The following EXOC1 variants were observed in gnomAD, a reference collection of about 807,000 sequenced individuals.
EXOC1 encodes exocyst complex component 1.
EXOC1 carries 67 observed loss-of-function variants against 107.7 expected under a neutral mutation model. The ratio of observed to expected loss-of-function variants is 0.62; its 90% confidence interval spans 0.51 to 0.76. EXOC1 has a LOEUF of 0.76. Among genes scored for constraint, EXOC1 ranks in the 30% least tolerant of loss-of-function variants. The probability of loss-of-function intolerance (pLI) is 0.00; values close to 1 mark genes in which losing one functional copy is unlikely to be tolerated. For synonymous variants in EXOC1, 348 were observed against 353.5 expected (o/e 0.98, Z 0.17); for missense variants, 833 against 1,055.7 (o/e 0.79, Z 2.92).
chr4:55,895,740 T>G (rs890675134), intron 15 of EXOC1, among the ~76,000 whole-genome samples: 4 of 152,194 alleles, frequency 2.6e-5, no homozygotes, highest in Non-Finnish European at 5.9e-5. Context: ...GAACCTAAGA[T>G]TCTGTCTGCA....
At chr4:55,902,239 C>T in intron 17 of EXOC1, 105 bp from the exon 18 acceptor site, 1 of 805,602 alleles carries the variant, frequency 1.2e-6, no homozygotes, top group Non-Finnish European at 1.8e-6. Flanking sequence ...CTTTCACACA[C>T]TGATTTTTGC....
intron 9 of EXOC1, 125 bp downstream of exon 9, chr4:55,878,191 C>T: frequency 9.3e-7 from 1 of 1,069,628 alleles, no homozygotes; most frequent in Non-Finnish European, 1.3e-6. Context: ...GAAAATGAGT[C>T]AGTGCTCTTT....
At chr4:55,881,025 C>G (rs1299939369) in intron 9 of EXOC1, among the ~76,000 whole-genome samples, 1 of 152,114 alleles carries the variant, frequency 6.6e-6, no homozygotes, top group Non-Finnish European at 1.5e-5. Context: ...GCTATTTGCA[C>G]TTGGTTAGGT....
chr4:55,884,280 C>T (rs541353054), intron 10 of EXOC1, among the ~76,000 whole-genome samples: 103 of 152,154 alleles, frequency 6.8e-4, no homozygotes, highest in African/African-American at 2.4e-3. Flanking sequence ...TAACTGATTC[C>T]CTAAAAGACT....
intron 15 of EXOC1, among the ~76,000 whole-genome samples, chr4:55,894,156 C>T (rs895151765): frequency 6.6e-6 from 1 of 152,088 alleles, no homozygotes; most frequent in Non-Finnish European, 1.5e-5. Flanking sequence ...GAAACCCCAT[C>T]TCTACCAAAA....
chr4:55,866,203 G>A (rs1034203720), intron 4 of EXOC1, among the ~76,000 whole-genome samples: 2 of 152,124 alleles, frequency 1.3e-5, no homozygotes, highest in Non-Finnish European at 2.9e-5. Flanking sequence ...GTGGCAACTT[G>A]GTAGTTTTTA....
At position 55,871,094 on chromosome 4, in the gene EXOC1, A is replaced by T; in HGVS notation, c.832-7A>T. The T allele has an allele frequency of 6.2e-7, 1 of 1,613,002 alleles. No individual in the cohort carries two copies. The highest frequency in any genetic ancestry group is 8.5e-7 in the Non-Finnish European group (1 of 1,179,458). ...ACATGCAAATGGTGTGTTTGCATAT[A>T]TTCTAGAACCACATGGACTTGGCCA... On this transcript the variant is annotated splice_polypyrimidine_tract_variant and splice_region_variant and intron_variant, in intron 6 of 18. Transcript: ENST00000381295.
At chr4:55,895,335 TC>T (rs1725076275) in intron 15 of EXOC1, among the ~76,000 whole-genome samples, 1 of 152,136 alleles carries the variant, frequency 6.6e-6, no homozygotes, top group African/African-American at 2.4e-5. Flanking sequence ...GAAGTTACTT[TC>T]CCCAGGTCCA....
chr4:55,878,203 C>A, intron 9 of EXOC1, 137 bp downstream of exon 9: 1 of 938,568 alleles, frequency 1.1e-6, no homozygotes, highest in Non-Finnish European at 1.6e-6. Flanking sequence ...GTGCTCTTTA[C>A]CAGTGATAAC....
intron 14 of EXOC1, 44 bp downstream of exon 14, chr4:55,892,755 C>CTTCATT (rs1459461878): frequency 1.2e-5 from 19 of 1,595,934 alleles, no homozygotes; most frequent in Non-Finnish European, 1.3e-5. Flanking sequence ...AAAAAATAAA[C>CTTCATT]TTTAAAATGT....
rs773459467 is a variant in EXOC1 at position 55,896,911 on chromosome 4, G to T, written c.2137+11G>T. ...GAGTATTTGTTAATGGTAAGCTTTT[G>T]TTATGTTCTAAAGAATTGTTATAGC... is the stretch of plus-strand genomic sequence containing the variant. On this transcript the variant is annotated intron_variant, in intron 16 of 18. Transcript: ENST00000381295. 1.9e-6 allele frequency: 3 copies of T among 1,574,182 alleles called. No individual in the cohort carries two copies. Among genetic ancestry groups the T allele is most frequent in the Non-Finnish European group, 1.7e-6 (2 of 1,167,518 alleles).
intron 8 of EXOC1, chr4:55,875,360 A>ATT: frequency 1.3e-5 from 10 of 767,768 alleles, no homozygotes; most frequent in Non-Finnish European, 1.6e-5. Flanking sequence ...CTTTGCTCAG[A>ATT]TTTTTTTTTT....
At chr4:55,896,611 A>G in intron 15 of EXOC1, 106 bp from the exon 16 acceptor site, 1 of 841,484 alleles carries the variant, frequency 1.2e-6, no homozygotes, top group Non-Finnish European at 1.7e-6. Flanking sequence ...TGCCTCTATG[A>G]TATCTATGTA....
rs879426004 is a variant in EXOC1, at chr4:55,869,203, TA to T, written c.603+693del. Among the ~76,000 whole-genome samples the T allele has an allele frequency of 4.9e-3, 707 of 143,122 alleles. 4 individuals are homozygous for T. The highest frequency in any genetic ancestry group is 0.011 in the African/African-American group (418 of 39,196). The allele number at this position is 143,122 out of a possible 152,430, so 93.9% of individuals were successfully genotyped here. On this transcript the variant is annotated intron_variant, in intron 5 of 18. Coordinates refer to ENST00000381295, the MANE Select transcript of EXOC1 (RefSeq NM_001024924.2). ...CAACATGGCAAAACCACATCTCTACTAAAAAAAAAAAAATTAGCCAGACATG... is the reference window on the plus strand; with the variant it reads ...CAACATGGCAAAACCACATCTCTACTAAAAAAAAAAAATTAGCCAGACATG...
chr4:55,893,226 TCTC>T (rs1275668631), intron 14 of EXOC1, among the ~76,000 whole-genome samples: 2 of 152,120 alleles, frequency 1.3e-5, no homozygotes, highest in African/African-American at 4.8e-5. Context: ...TTCAAGCGAT[TCTC>T]CTGACTCAGC....
At position 55,896,698 on chromosome 4, in the gene EXOC1, G is replaced by A; in HGVS notation, c.1954-19G>A. On this transcript the variant is annotated intron_variant, in intron 15 of 18. Coordinates refer to ENST00000381295, the MANE Select transcript of EXOC1 (RefSeq NM_001024924.2). ...AGTTGCTTGGTTATTTATCTCCCTT[G>A]CTCTCTGCCTAACTTTAGAGTAACC... 3 of 1,576,158 alleles carry A rather than the reference G, an allele frequency of 1.9e-6. No individual in the cohort carries two copies. The highest frequency in any genetic ancestry group is 2.6e-6 in the Non-Finnish European group (3 of 1,167,458).
chr4:55,872,801 C>T (rs995943116), intron 8 of EXOC1: 20 of 979,636 alleles, frequency 2.0e-5, no homozygotes, highest in Non-Finnish European at 2.2e-5. Flanking sequence ...TACTTTCTTT[C>T]GGTTCCTGTG....
chr4:55,889,111 T>C (rs1724223982), intron 11 of EXOC1, among the ~76,000 whole-genome samples, 179 bp downstream of exon 11: 1 of 152,184 alleles, frequency 6.6e-6, no homozygotes, highest in East Asian at 1.9e-4. Flanking sequence ...ATATATGATA[T>C]AGTTAAAATT....
chr4:55,878,260 A>G (rs1022328718), intron 9 of EXOC1, among the ~76,000 whole-genome samples, 194 bp downstream of exon 9: 6 of 152,226 alleles, frequency 3.9e-5, no homozygotes, highest in South Asian at 2.1e-4. Flanking sequence ...TTTAAACTTC[A>G]GTATGGAAAA....
Sources: allele counts gnomAD v4.1 joint callset (sites outside exome capture counted in the v4.1 genomes callset), GRCh38; gene constraint gnomAD v4.1.1; transcripts MANE v1.5; gene names NCBI Gene and HGNC (gene_info 2026-07-23, HGNC 2026-07-21).